PTPRD: variants seen among roughly 807,000 people sequenced by gnomAD.
PTPRD encodes the protein protein tyrosine phosphatase receptor type D.
In PTPRD, 34 loss-of-function variants were observed where a neutral mutation model predicts 214.5. The observed-to-expected ratio is 0.16, with a 90% CI of 0.12 to 0.21. The LOEUF (loss-of-function observed/expected upper bound fraction) is 0.21, where lower values mean the gene tolerates loss of function less well. Ranked by LOEUF, PTPRD falls within the 10% of genes least tolerant of loss-of-function variation. The pLI is 1.00. For missense variants in PTPRD, 2,545 were observed against 2,398.7 expected (o/e 1.06, Z -1.27); for synonymous variants, 1,128 against 845.7 (o/e 1.33, Z -5.79).
intron 9 of PTPRD, among the ~76,000 whole-genome samples, chr9:9,355,921 G>A (rs897007850): frequency 6.6e-6 from 1 of 151,400 alleles, no homozygotes; most frequent in Non-Finnish European, 1.5e-5. Flanking sequence ...ATAGAAAAAT[G>A]ATTAAAGAGG....
chr9:9,064,589 T>G (rs1590882740), intron 10 of PTPRD, among the ~76,000 whole-genome samples: 1 of 152,264 alleles, frequency 6.6e-6, no homozygotes, highest in Non-Finnish European at 1.5e-5. Flanking sequence ...GATAAAAAAG[T>G]CCATTATATT....
At chr9:8,688,097 C>G (rs1028682458) in intron 12 of PTPRD, among the ~76,000 whole-genome samples, 2 of 152,150 alleles carry the variant, frequency 1.3e-5, no homozygotes, top group Non-Finnish European at 2.9e-5. Flanking sequence ...TCATCCTAGT[C>G]CACTTACTTG....
chr9:8,762,126 G>T (rs2094451025), intron 11 of PTPRD, among the ~76,000 whole-genome samples: 1 of 152,060 alleles, frequency 6.6e-6, no homozygotes, highest in Non-Finnish European at 1.5e-5. Flanking sequence ...ATATACAAAG[G>T]TTCTGTCTTT....
chr9:10,336,144 G>T (rs1022010577), intron 3 of PTPRD, among the ~76,000 whole-genome samples: 1 of 151,714 alleles, frequency 6.6e-6, no homozygotes, highest in South Asian at 2.1e-4. Flanking sequence ...TCATACAGAT[G>T]TTTCTAGCAG....
intron 8 of PTPRD, among the ~76,000 whole-genome samples, chr9:9,409,520 G>GAAGT (rs1258367580): frequency 1.3e-5 from 2 of 151,910 alleles, no homozygotes; most frequent in Non-Finnish European, 2.9e-5. Flanking sequence ...TGAGTAAACA[G>GAAGT]AAGTAAATTC....
chr9:9,440,351 T>C (rs550261361), intron 8 of PTPRD, among the ~76,000 whole-genome samples: 36 of 152,350 alleles, frequency 2.4e-4, no homozygotes, highest in African/African-American at 7.9e-4. Context: ...ACTTGTTTTC[T>C]TCTTCATAAT....
At chr9:9,635,937 G>A (rs1426920552) in intron 7 of PTPRD, among the ~76,000 whole-genome samples, 1 of 151,962 alleles carries the variant, frequency 6.6e-6, no homozygotes, top group Admixed American at 6.6e-5. Flanking sequence ...ATTCACAGCA[G>A]AAAAAAATGA....
intron 9 of PTPRD, among the ~76,000 whole-genome samples, chr9:9,313,173 G>C (rs1960110541): frequency 6.6e-6 from 1 of 152,092 alleles, no homozygotes; most frequent in Admixed American, 6.6e-5. Context: ...ACCTGGTTTT[G>C]CTGTGTGTCA....
chr9:10,289,316 T>G (rs1196406932), intron 3 of PTPRD, among the ~76,000 whole-genome samples: 1 of 152,196 alleles, frequency 6.6e-6, no homozygotes, highest in Non-Finnish European at 1.5e-5. Flanking sequence ...TTTACACTTT[T>G]GTTTCTTATG....
At chr9:9,958,415 C>G (rs1277540093) in intron 4 of PTPRD, among the ~76,000 whole-genome samples, 1 of 152,072 alleles carries the variant, frequency 6.6e-6, no homozygotes, top group Non-Finnish European at 1.5e-5. Context: ...CCTGTAATAC[C>G]AGCTACTAGG....
At chr9:8,532,226 T>A (rs2075877886) in intron 14 of PTPRD, among the ~76,000 whole-genome samples, 1 of 152,100 alleles carries the variant, frequency 6.6e-6, no homozygotes, top group Non-Finnish European at 1.5e-5. Context: ...TGTTTCCAAT[T>A]TGACTGTCAG....
At chr9:8,353,282 T>A (rs1006629850) in intron 39 of PTPRD, among the ~76,000 whole-genome samples, 1 of 152,208 alleles carries the variant, frequency 6.6e-6, no homozygotes, top group Non-Finnish European at 1.5e-5. Flanking sequence ...CAGTTTATGA[T>A]TGTTTGCAAC....
intron 12 of PTPRD, among the ~76,000 whole-genome samples, chr9:8,714,311 TTTTTTG>T (rs552543498): frequency 0.012 from 1,870 of 152,272 alleles, 18 homozygotes; most frequent in Non-Finnish European, 0.02. Flanking sequence ...TATTGGGTTT[TTTTTTG>T]TTTTGTTTTG....
chr9:8,698,110 A>G (rs1290227122), intron 12 of PTPRD, among the ~76,000 whole-genome samples: 1 of 152,182 alleles, frequency 6.6e-6, no homozygotes, highest in East Asian at 1.9e-4. Context: ...GTCATTTTCC[A>G]TTTAAGGCAA....
At chr9:10,241,148 A>AG (rs2090959915) in intron 3 of PTPRD, among the ~76,000 whole-genome samples, 1 of 151,958 alleles carries the variant, frequency 6.6e-6, no homozygotes, top group Non-Finnish European at 1.5e-5. Flanking sequence ...CCATGATGAG[A>AG]TACTACTCTG....
rs144235302 is a variant in PTPRD at position 8,920,149 on chromosome 9, C to T, written c.-104+98548G>A. Among the ~76,000 whole-genome samples the T allele has an allele frequency of 9.1e-3, 1,386 of 152,050 alleles. 23 individuals carry two copies. The highest frequency in any genetic ancestry group is 0.032 in the African/African-American group (1,329 of 41,474). ...TGAGCTGAGGAGTGTGAGACCACCCCGGGCAACACGGCAAATTCCCATCTC... is the reference window on the plus strand; with the variant it reads ...TGAGCTGAGGAGTGTGAGACCACCCTGGGCAACACGGCAAATTCCCATCTC... On this transcript the variant is annotated intron_variant, in intron 11 of 45. Coordinates refer to ENST00000381196, the MANE Select transcript of PTPRD (RefSeq NM_002839.4).
chr9:9,932,134 G>C (rs373955212), intron 5 of PTPRD, among the ~76,000 whole-genome samples: 1 of 148,372 alleles, frequency 6.7e-6, no homozygotes, highest in Non-Finnish European at 1.5e-5. Context: ...GGAAAAAACA[G>C]AACAGAAAAA....
chr9:9,466,822 GTCT>G (rs1223039727), intron 8 of PTPRD, among the ~76,000 whole-genome samples: 7 of 151,928 alleles, frequency 4.6e-5, no homozygotes, highest in African/African-American at 1.7e-4. Flanking sequence ...GTGATGTGTT[GTCT>G]TCTTCTCCTC....
chr9:8,919,890 A>G (rs1412719323), intron 11 of PTPRD, among the ~76,000 whole-genome samples: 12 of 151,290 alleles, frequency 7.9e-5, no homozygotes. Context: ...ATGCATACAT[A>G]GATGTACATG....
Sources: gnomAD v4.1 joint callset for allele counts (sites outside exome capture counted in the v4.1 genomes callset) on GRCh38, gnomAD v4.1.1 for gene constraint, MANE v1.5 for transcripts, NCBI Gene and HGNC (gene_info 2026-07-23, HGNC 2026-07-21) for gene names.